Variants in EFHC2 observed in about 807,000 individuals in gnomAD.
EFHC2 encodes the protein EF-hand domain containing 2.
EFHC2 carries 18 observed loss-of-function variants against 52.7 expected under a neutral mutation model. The ratio of observed to expected loss-of-function variants is 0.34; its 90% CI spans 0.24 to 0.51. The LOEUF (loss-of-function observed/expected upper bound fraction) is 0.51. Among genes scored for constraint, EFHC2 ranks in the 20% least tolerant of loss-of-function variants. The pLI, the probability that EFHC2 is intolerant of heterozygous loss-of-function variation, is 0.97. For synonymous variants in EFHC2, 203 were observed against 204.1 expected, an observed-to-expected ratio of 0.99 and a Z score of 0.04; for missense variants, 513 against 562.5, an observed-to-expected ratio of 0.91 and a Z score of 0.89.
intron 1 of EFHC2, among the ~76,000 whole-genome samples, chrX:44,316,031 C>T (rs2147385227): frequency 9.0e-6 from 1 of 111,368 alleles, no homozygotes; most frequent in Non-Finnish European, 1.9e-5. Flanking sequence ...GCCAGCCTTC[C>T]TTCCCCTGAG....
At chrX:44,202,704 G>A (rs765491717) in intron 11 of EFHC2, among the ~76,000 whole-genome samples, 1 of 110,461 alleles carries the variant, frequency 9.1e-6, no homozygotes, top group Non-Finnish European at 1.9e-5. Flanking sequence ...CGTGCCCAGG[G>A]ATCCTCTGCA....
chrX:44,282,034 TC>T (rs772266484), intron 2 of EFHC2, among the ~76,000 whole-genome samples: 2 of 110,604 alleles, frequency 1.8e-5, no homozygotes, highest in South Asian at 7.7e-4. Flanking sequence ...TCCTACCTCC[TC>T]TCAGGAACTC....
chrX:44,271,240 G>A (rs779447765), intron 3 of EFHC2, among the ~76,000 whole-genome samples: 14 of 111,423 alleles, frequency 1.3e-4, no homozygotes, highest in Non-Finnish European at 2.3e-4. Flanking sequence ...ACAGATTGTA[G>A]GAGGAGCAAG....
intron 1 of EFHC2, among the ~76,000 whole-genome samples, chrX:44,335,981 T>C (rs2038114460): frequency 9.2e-6 from 1 of 108,602 alleles, no homozygotes; most frequent in South Asian, 3.8e-4. Flanking sequence ...CAATTAAATA[T>C]GAGTAGAAGA....
chrX:44,322,119 T>C (rs1357448550), intron 1 of EFHC2, among the ~76,000 whole-genome samples: 1 of 109,595 alleles, frequency 9.1e-6, no homozygotes, highest in Non-Finnish European at 1.9e-5. Context: ...AATAAAATGT[T>C]TTCTAAAAAA....
At chrX:44,192,747 T>G (rs2147289983) in intron 11 of EFHC2, among the ~76,000 whole-genome samples, 1 of 111,598 alleles carries the variant, frequency 9.0e-6, no homozygotes, top group South Asian at 3.8e-4. Flanking sequence ...CAGTGTCCAG[T>G]TTTCTATTAG....
At chrX:44,324,136 A>G (rs938862935) in intron 1 of EFHC2, among the ~76,000 whole-genome samples, 1 of 110,884 alleles carries the variant, frequency 9.0e-6, no homozygotes, top group Non-Finnish European at 1.9e-5. Flanking sequence ...TAACATTACT[A>G]TTATAAAACC....
chrX:44,333,806 A>G (rs1166135029), intron 1 of EFHC2, among the ~76,000 whole-genome samples: 1 of 111,351 alleles, frequency 9.0e-6, no homozygotes, highest in African/African-American at 3.3e-5. Flanking sequence ...GAGGGAATCT[A>G]CTGGGGGGCT....
intron 2 of EFHC2, among the ~76,000 whole-genome samples, chrX:44,308,920 T>C (rs1270312557): frequency 8.9e-6 from 1 of 112,628 alleles, no homozygotes; most frequent in African/African-American, 3.2e-5. Context: ...AATGTTTATT[T>C]GTTTGTAAAG....
intron 1 of EFHC2, among the ~76,000 whole-genome samples, chrX:44,325,905 T>C (rs934877961): frequency 1.9e-5 from 2 of 106,843 alleles, no homozygotes; most frequent in African/African-American, 3.4e-5. Context: ...ACTTTTTTTT[T>C]TTTTTGAGAC....
chrX:44,273,673 A>T (rs1255676779), intron 2 of EFHC2, among the ~76,000 whole-genome samples: 1 of 111,465 alleles, frequency 9.0e-6, no homozygotes, highest in Non-Finnish European at 1.9e-5. Flanking sequence ...AAACATTCTT[A>T]ATATGGCATC....
chrX:44,156,392 C>T lies in EFHC2; in HGVS notation c.2149-7496G>A, dbSNP rs761475451. Among the ~76,000 whole-genome samples the T allele has an allele frequency of 5.3e-5, 6 of 112,445 alleles. No individual in the cohort carries two copies. In the South Asian group the frequency reaches 2.2e-3, roughly 42 times the overall value. ...CAGCCCCTGACTATACAATCCTTAC[C>T]ATTAGGAATATCTCCGAGCCTCAGC... On this transcript the variant is annotated intron_variant, in intron 14 of 14. Transcript: ENST00000420999.
At chrX:44,283,179 C>T (rs922066055) in intron 2 of EFHC2, among the ~76,000 whole-genome samples, 1 of 111,012 alleles carries the variant, frequency 9.0e-6, no homozygotes. Flanking sequence ...GAGTTTTGAT[C>T]GGAAGCACTT....
chrX:44,302,109 G>A (rs1236905905), intron 2 of EFHC2, among the ~76,000 whole-genome samples: 4 of 111,631 alleles, frequency 3.6e-5, no homozygotes, highest in Non-Finnish European at 7.5e-5. Context: ...CAAAATGGCA[G>A]CACCATTTTA....
intron 14 of EFHC2, among the ~76,000 whole-genome samples, chrX:44,160,781 G>C (rs929118252): frequency 3.6e-5 from 4 of 110,847 alleles, no homozygotes; most frequent in Admixed American, 1.9e-4. Context: ...AATTAGTCAG[G>C]CATGGTGGCG....
intron 4 of EFHC2, among the ~76,000 whole-genome samples, chrX:44,258,521 A>G (rs1328867205): frequency 1.8e-5 from 2 of 111,454 alleles, no homozygotes; most frequent in East Asian, 5.6e-4. Flanking sequence ...GAAACATATG[A>G]AAAAAAGTTC....
intron 2 of EFHC2, among the ~76,000 whole-genome samples, chrX:44,274,478 C>T (rs1000286963): frequency 8.9e-6 from 1 of 112,214 alleles, no homozygotes; most frequent in Non-Finnish European, 1.9e-5. Flanking sequence ...CACTGAATTG[C>T]ACACTTTAAA....
intron 2 of EFHC2, among the ~76,000 whole-genome samples, chrX:44,308,172 TCA>T (rs1245339939): frequency 9.0e-6 from 1 of 111,198 alleles, no homozygotes; most frequent in Non-Finnish European, 1.9e-5. Context: ...ATGAATTAAC[TCA>T]CACAACGTAC....
chrX:44,188,937 G>A (rs2036898201), intron 11 of EFHC2, among the ~76,000 whole-genome samples: 1 of 108,888 alleles, frequency 9.2e-6, no homozygotes, highest in South Asian at 4.1e-4. Context: ...GGCCAACATG[G>A]TGAAACCCCA....
Sources: allele counts gnomAD v4.1 joint callset (sites outside exome capture counted in the v4.1 genomes callset), GRCh38; gene constraint gnomAD v4.1.1; transcripts MANE v1.5; gene names NCBI Gene and HGNC (gene_info 2026-07-23, HGNC 2026-07-21).